The following RNFT1 variants were observed in gnomAD, a reference collection of about 807,000 sequenced individuals.
RNFT1 encodes ring finger protein, transmembrane 1.
Under a neutral mutation model 53.2 loss-of-function variants are expected in RNFT1, and 35 were observed. The ratio of observed to expected loss-of-function variants is 0.66; its 90% CI spans 0.50 to 0.87. RNFT1 has a LOEUF of 0.87. Among genes scored for constraint, RNFT1 ranks in the 40% least tolerant of loss-of-function variants. The pLI, the probability that RNFT1 is intolerant of heterozygous loss-of-function variation, is 0.00. For missense variants in RNFT1, 421 were observed against 515.0 expected, an observed-to-expected ratio of 0.82 and a Z score of 1.77; for synonymous variants, 141 against 172.8, an observed-to-expected ratio of 0.82 and a Z score of 1.44.
At chr17:59,954,540 G>C (rs2045242196) in intron 7 of RNFT1, among the ~76,000 whole-genome samples, 1 of 152,158 alleles carries the variant, frequency 6.6e-6, no homozygotes, top group Non-Finnish European at 1.5e-5. Flanking sequence ...AGTCAATCCA[G>C]CCAGAGGTTG....
In RNFT1 at chr17:59,953,092, C is replaced by T. The variant is rs1327241777; in HGVS notation, c.1193G>A (p.Cys398Tyr). The T allele has an allele frequency of 1.2e-6, 2 of 1,607,826 alleles. No individual in the cohort carries two copies. Among genetic ancestry groups the T allele is most frequent in the Non-Finnish European group, 8.5e-7 (1 of 1,174,948 alleles). Residue 398 changes from cysteine (C) to tyrosine (Y), a missense_variant, in exon 9 of 9, where the codon TGC becomes TAC. By Grantham distance (194) the Cys-to-Tyr change is radical. Coordinates refer to ENST00000305783, the MANE Select transcript of RNFT1 (RefSeq NM_016125.4). The stretch of plus-strand genomic sequence containing the variant: ...CTCTCTGTTAAACCATAAGGTCATG[C>T]ACTCTTCACAAAATATATGCTGTAA... The part of the protein sequence containing the change: ...LICQHIFCEE[C>Y]MTLWFNREKT...
chr17:59,960,552 T>G (rs928040490), intron 3 of RNFT1, among the ~76,000 whole-genome samples: 12 of 151,140 alleles, frequency 7.9e-5, no homozygotes, highest in South Asian at 6.3e-4. Context: ...GGCTCACACT[T>G]GTAATCCCAG....
chr17:59,961,522 A>AT (rs2045292000), intron 3 of RNFT1, among the ~76,000 whole-genome samples: 1 of 151,954 alleles, frequency 6.6e-6, no homozygotes. Context: ...TTTCCCAATG[A>AT]TTTATATGAC....
rs1383341543 is a variant in RNFT1, at chr17:59,962,952, G to A, written c.389C>T (p.Ala130Val). The A allele has an allele frequency of 1.9e-6, 3 of 1,614,088 alleles. No individual in the cohort carries two copies. Among genetic ancestry groups the A allele is most frequent in the Non-Finnish European group, 2.5e-6 (3 of 1,180,040 alleles). Residue 130 changes from alanine (A) to valine (V), a missense_variant, in exon 2 of 9, where the codon GCC becomes GTC. Ala to Val is a moderately conservative substitution (Grantham distance 64). Transcript: ENST00000305783. ...HSEARLTDDT[A>V]AESGDHGSSS... ...ACTACCATGATCTCCAGATTCTGCGGCAGTATCATCAGTCAGCCTTGCTTC... is the reference window on the plus strand; with the variant it reads ...ACTACCATGATCTCCAGATTCTGCGACAGTATCATCAGTCAGCCTTGCTTC...
At chr17:59,956,574 T>C in intron 6 of RNFT1, 21 bp from the exon 7 acceptor site, 1 of 1,596,446 alleles carries the variant, frequency 6.3e-7, no homozygotes, top group Non-Finnish European at 8.6e-7. Flanking sequence ...AAATAAGAGA[T>C]CATTTATTAA....
intron 3 of RNFT1, 44 bp downstream of exon 3, chr17:59,962,496 G>A: frequency 8.1e-7 from 1 of 1,229,320 alleles, no homozygotes; most frequent in Non-Finnish European, 1.2e-6. Context: ...TAAAATCTAT[G>A]GAGAGAAACA....
intron 4 of RNFT1, among the ~76,000 whole-genome samples, chr17:59,959,227 C>G (rs1001327092): frequency 2.0e-5 from 3 of 152,140 alleles, no homozygotes; most frequent in Admixed American, 6.6e-5. Context: ...TGAAATGACA[C>G]CACCATCCAG....
At chr17:59,961,600 T>A (rs928322663) in intron 3 of RNFT1, among the ~76,000 whole-genome samples, 10 of 151,946 alleles carry the variant, frequency 6.6e-5, no homozygotes, top group African/African-American at 2.4e-4. Context: ...TTTTTTGAGA[T>A]GGAGTCTCAC....
Position 59,954,158 on chromosome 17 carries a change from G to C in RNFT1, c.1072-12C>G, listed in dbSNP as rs368817922. On this transcript the variant is annotated splice_polypyrimidine_tract_variant and intron_variant, in intron 7 of 8. Transcript: ENST00000305783. Reference sequence around the variant, plus strand: ...GCCACTCCATAACTCTATGAAGATAGTAAGTTCTGTTCATCTACAAATTTC... The same window carrying C: ...GCCACTCCATAACTCTATGAAGATACTAAGTTCTGTTCATCTACAAATTTC... 120 of 1,528,392 alleles carry C rather than the reference G, an allele frequency of 7.9e-5. No individual in the cohort carries two copies. Among genetic ancestry groups the C allele is most frequent in the Non-Finnish European group, 1.0e-4 (116 of 1,116,056 alleles). The allele number at this position is 1,528,392 out of a possible 1,614,324, so 94.7% of individuals were successfully genotyped here.
At chr17:59,958,842 A>C in intron 4 of RNFT1, 1 of 303,856 alleles carries the variant, frequency 3.3e-6, no homozygotes, top group Non-Finnish European at 6.4e-6. Flanking sequence ...TTTCAAGGTC[A>C]CTCTCTTTTT....
chr17:59,954,163 T>G lies in RNFT1; in HGVS notation c.1072-17A>C. 6.6e-7 allele frequency: 1 copy of G among 1,505,228 alleles called. No homozygotes were observed. Among genetic ancestry groups the G allele is most frequent in the South Asian group, 1.2e-5 (1 of 84,006 alleles). 93.2% of individuals were successfully genotyped at this position (1,505,228 alleles called of 1,614,324 possible). A position where few individuals can be genotyped will look rare whatever the true frequency, so the allele number is the denominator to read the frequency against. ...TCCATAACTCTATGAAGATAGTAAG[T>G]TCTGTTCATCTACAAATTTCTTTCT... is the stretch of plus-strand genomic sequence containing the variant. On this transcript the variant is annotated splice_polypyrimidine_tract_variant and intron_variant, in intron 7 of 8. Transcript: ENST00000305783.
intron 4 of RNFT1, 197 bp from the exon 5 acceptor site, chr17:59,958,641 C>T (rs2045268674): frequency 3.1e-6 from 2 of 638,056 alleles, no homozygotes; most frequent in Non-Finnish European, 5.8e-6. Context: ...GATTTTAGAT[C>T]TTCCCTTCAT....
At chr17:59,955,711 T>C (rs1357116948) in intron 7 of RNFT1, among the ~76,000 whole-genome samples, 1 of 152,222 alleles carries the variant, frequency 6.6e-6, no homozygotes, top group Admixed American at 6.5e-5. Context: ...TCGTTTACTT[T>C]GTAGACATAA....
rs1376118077 is a variant in RNFT1, at chr17:59,964,669, G to C, written c.-6C>G. 3 of 1,603,924 alleles carry C rather than the reference G, an allele frequency of 1.9e-6. No homozygotes were observed. The highest frequency in any genetic ancestry group is 2.6e-6 in the Non-Finnish European group (3 of 1,175,410). On this transcript the variant is annotated 5_prime_UTR_variant, in exon 1 of 9. Coordinates refer to ENST00000305783, the MANE Select transcript of RNFT1 (RefSeq NM_016125.4). ...GACAGCAAGAACAGCGGCATACACC[G>C]CCTCCAGCCCTTCAGTCGGGGCCAT...
At chr17:59,953,924 A>ATG in intron 8 of RNFT1, 121 bp downstream of exon 8, 1 of 613,218 alleles carries the variant, frequency 1.6e-6, no homozygotes, top group Non-Finnish European at 2.8e-6. Flanking sequence ...TGTACCCTGA[A>ATG]TGCTACCTTC....
Position 59,964,740 on chromosome 17 carries a change from C to A in RNFT1, c.-77G>T, listed in dbSNP as rs945218450. The A allele has an allele frequency of 2.8e-6, 4 of 1,427,710 alleles. No individual in the cohort carries two copies. The highest frequency in any genetic ancestry group is 3.0e-5 in the African/African-American group (2 of 67,492). The allele number at this position is 1,427,710 out of a possible 1,614,324, so 88.4% of individuals were successfully genotyped here. A position where few individuals can be genotyped will look rare whatever the true frequency, so the allele number is the denominator to read the frequency against. ...TCTTCTCTCAGCCCGGCGGCAACGG[C>A]GGCGGCGCGCGCGCTCCCCGGACGT... On this transcript the variant is annotated 5_prime_UTR_variant, in exon 1 of 9. Coordinates refer to ENST00000305783, the MANE Select transcript of RNFT1 (RefSeq NM_016125.4).
rs1313224403 is a variant in RNFT1 at position 59,964,707 on chromosome 17, C to T, written c.-44G>A. 3.2e-6 allele frequency: 5 copies of T among 1,558,864 alleles called. No individual in the cohort carries two copies. Among genetic ancestry groups the T allele is most frequent in the Non-Finnish European group, 4.3e-6 (5 of 1,151,266 alleles). ...CAGTCGGGGCCATCAACCGCAAACCCCGCAAGCTCTTCTCTCAGCCCGGCG... is the reference window on the plus strand; with the variant it reads ...CAGTCGGGGCCATCAACCGCAAACCTCGCAAGCTCTTCTCTCAGCCCGGCG... On this transcript the variant is annotated 5_prime_UTR_variant, in exon 1 of 9. Coordinates refer to ENST00000305783, the MANE Select transcript of RNFT1 (RefSeq NM_016125.4).
In RNFT1 at chr17:59,953,122, A is replaced by AT; in HGVS notation, c.1174-12dup. The AT allele has an allele frequency of 6.3e-7, 1 of 1,580,646 alleles. No homozygotes were observed. The highest frequency in any genetic ancestry group is 8.7e-7 in the Non-Finnish European group (1 of 1,153,706). Reference sequence around the variant, plus strand: ...TTCACAAAATATATGCTGTAATGGAATTAAGAATTAGATTTGATATTTGAT... The same window carrying AT: ...TTCACAAAATATATGCTGTAATGGAATTTAAGAATTAGATTTGATATTTGAT... On this transcript the variant is annotated splice_polypyrimidine_tract_variant and intron_variant, in intron 8 of 8. Coordinates refer to ENST00000305783, the MANE Select transcript of RNFT1 (RefSeq NM_016125.4).
At chr17:59,959,915 GAAA>G (rs1005160916) in intron 4 of RNFT1, 150 bp downstream of exon 4, 338 of 454,660 alleles carry the variant, frequency 7.4e-4, no homozygotes, top group Middle Eastern at 2.2e-3. Flanking sequence ...GTCTCAAAAA[GAAA>G]AAAAAAAAAA....
Sources: allele counts gnomAD v4.1 joint callset (sites outside exome capture counted in the v4.1 genomes callset), GRCh38; gene constraint gnomAD v4.1.1; transcripts MANE v1.5; gene names NCBI Gene and HGNC (gene_info 2026-07-23, HGNC 2026-07-21).